The following TBXAS1 variants were observed in gnomAD, a reference collection of about 807,000 sequenced individuals.
TBXAS1 encodes thromboxane-A synthase.
TBXAS1 carries 48 observed loss-of-function variants against 60.7 expected under a neutral mutation model. That is an observed-to-expected ratio of 0.79 (90% CI 0.63 to 1.01). The LOEUF (loss-of-function observed/expected upper bound fraction) is 1.01, where lower values mean the gene tolerates loss of function less well. Ranked by LOEUF, TBXAS1 falls within the 50% of genes least tolerant of loss-of-function variation. The pLI, the probability that TBXAS1 is intolerant of heterozygous loss-of-function variation, is 0.00. For missense variants in TBXAS1, 685 were observed against 686.3 expected (o/e 1.00, Z 0.02); for synonymous variants, 287 against 269.7 (o/e 1.06, Z -0.63).
intron 9 of TBXAS1, among the ~76,000 whole-genome samples, chr7:139,979,496 G>T (rs895540343): frequency 3.3e-5 from 5 of 152,032 alleles, no homozygotes; most frequent in African/African-American, 7.2e-5. Flanking sequence ...GGAGGCGGAG[G>T]TGGGTGGATC....
In TBXAS1 at chr7:139,895,575, T is replaced by C. The variant is rs114173869; in HGVS notation, c.237-15650T>C. On this transcript the variant is annotated intron_variant, in intron 3 of 12. Transcript: ENST00000448866. ...TGACATGGATCTCAGCAGCTGAGGC[T>C]GGCCCTGAAGGAGCTAACAGCTGGA... Among the ~76,000 whole-genome samples the C allele has an allele frequency of 4.9e-3, 743 of 152,354 alleles. 6 individuals are homozygous for C. The highest frequency in any genetic ancestry group is 0.017 in the African/African-American group (711 of 41,584).
At chr7:139,824,226 G>T (rs560131599) in intron 4 of TBXAS1, among the ~76,000 whole-genome samples, 1 of 152,324 alleles carries the variant, frequency 6.6e-6, no homozygotes, top group Admixed American at 6.5e-5. Flanking sequence ...AAAAAGACTT[G>T]GAGTGAGTGG....
chr7:139,994,630 C>G (rs1309344268), intron 9 of TBXAS1, among the ~76,000 whole-genome samples: 2 of 152,068 alleles, frequency 1.3e-5, no homozygotes, highest in Non-Finnish European at 2.9e-5. Context: ...AAAAAAAACT[C>G]CTGCTGCAAT....
rs1252312592 is a variant in TBXAS1 at position 139,905,019 on chromosome 7, C to T, written c.237-6206C>T. On this transcript the variant is annotated intron_variant, in intron 3 of 12. Coordinates refer to ENST00000448866, the MANE Select transcript of TBXAS1 (RefSeq NM_001061.7). ...TCTCTCTTTCTCTCTTTCTTTCTTTCTTTCTTTCTTTCTTTCTTTCTTTCT... is the reference window on the plus strand; with the variant it reads ...TCTCTCTTTCTCTCTTTCTTTCTTTTTTTCTTTCTTTCTTTCTTTCTTTCT... 1.8e-3 allele frequency among the ~76,000 whole-genome samples: 132 copies of T among 75,206 alleles called. 1 individual carries two copies. Among genetic ancestry groups the T allele is most frequent in the African/African-American group, 9.3e-3 (125 of 13,474 alleles). The allele number at this position is 75,206 out of a possible 152,430, so 49.3% of individuals were successfully genotyped here. A position where few individuals can be genotyped will look rare whatever the true frequency, so the allele number is the denominator to read the frequency against.
intron 7 of TBXAS1, among the ~76,000 whole-genome samples, chr7:139,956,262 T>C (rs1809859545): frequency 6.6e-6 from 1 of 152,228 alleles, no homozygotes; most frequent in African/African-American, 2.4e-5. Flanking sequence ...TTCTCCTGCC[T>C]CAGCCTCCTG....
chr7:139,875,756 T>A, intron 3 of TBXAS1, 119 bp downstream of exon 3: 1 of 1,315,274 alleles, frequency 7.6e-7, no homozygotes, highest in South Asian at 1.2e-5. Context: ...GTTGTATGTG[T>A]TTCTATTTTT....
At chr7:139,787,908 C>T (rs1797249011) in intron 4 of TBXAS1, among the ~76,000 whole-genome samples, 1 of 152,162 alleles carries the variant, frequency 6.6e-6, no homozygotes, top group Admixed American at 6.5e-5. Flanking sequence ...TATTGAGATA[C>T]AGTTACTAAA....
intron 3 of TBXAS1, among the ~76,000 whole-genome samples, chr7:139,878,541 A>G (rs76857859): frequency 0.015 from 2,325 of 152,270 alleles, 33 homozygotes; most frequent in African/African-American, 0.033. Flanking sequence ...TAAAACACTG[A>G]CTTCTTTTTA....
intron 9 of TBXAS1, among the ~76,000 whole-genome samples, chr7:139,987,106 C>T (rs879266594): frequency 1.1e-4 from 17 of 152,084 alleles, no homozygotes; most frequent in South Asian, 2.1e-4. Context: ...CAGAGTTTCT[C>T]GTGCTTGGCT....
chr7:139,906,757 A>C lies in TBXAS1; in HGVS notation c.237-4468A>C, dbSNP rs891632070. On this transcript the variant is annotated intron_variant, in intron 3 of 12. Transcript: ENST00000448866. ...TGGAGTCTTCCAATCCATGAACATG[A>C]TATGTTTCTCCACTTAGTTCTTCTT... Among the ~76,000 whole-genome samples, 5 of 84,960 alleles carry C rather than the reference A, an allele frequency of 5.9e-5. No individual in the cohort carries two copies. The Admixed American group carries it at 6.4e-4, about 11-fold the overall frequency. 55.7% of individuals were successfully genotyped at this position (84,960 alleles called of 152,430 possible).
intron 4 of TBXAS1, among the ~76,000 whole-genome samples, chr7:139,917,834 T>G (rs1479154938): frequency 1.3e-5 from 2 of 152,226 alleles, no homozygotes; most frequent in Non-Finnish European, 2.9e-5. Flanking sequence ...GCTATCTTTA[T>G]ATATTTTTTT....
At chr7:139,993,322 G>A (rs775638851) in intron 9 of TBXAS1, among the ~76,000 whole-genome samples, 5 of 152,138 alleles carry the variant, frequency 3.3e-5, no homozygotes, top group African/African-American at 4.8e-5. Context: ...ATAAACCTGG[G>A]GAGGCCGGAC....
chr7:139,858,131 T>C (rs1236858888), intron 1 of TBXAS1, among the ~76,000 whole-genome samples: 1 of 152,184 alleles, frequency 6.6e-6, no homozygotes, highest in African/African-American at 2.4e-5. Context: ...GCAGTGCTTC[T>C]TCGTACACAT....
At chr7:140,000,565 A>G (rs1813598128) in intron 9 of TBXAS1, among the ~76,000 whole-genome samples, 1 of 152,230 alleles carries the variant, frequency 6.6e-6, no homozygotes, top group Admixed American at 6.5e-5. Context: ...GAGACCAAGA[A>G]TCTTAGGAAT....
chr7:139,862,242 A>G (rs1569503243), intron 1 of TBXAS1, among the ~76,000 whole-genome samples: 2 of 152,196 alleles, frequency 1.3e-5, no homozygotes, highest in African/African-American at 2.4e-5. Context: ...TTTAGATGGT[A>G]TTGAAGTGAT....
rs1249907257 is a variant in TBXAS1 at position 139,915,616 on chromosome 7, T to A, written c.333+4295T>A. Among the ~76,000 whole-genome samples the A allele has an allele frequency of 5.9e-5, 9 of 152,216 alleles. No individual in the cohort carries two copies. In the East Asian group the frequency reaches 1.7e-3, roughly 29 times the overall value. ...ACAGCCTGGTGGAGAAGGGCCCTGA[T>A]TTGGGAAGCTGGATTTAGCTCTGAA... is the stretch of plus-strand genomic sequence containing the variant. On this transcript the variant is annotated intron_variant, in intron 4 of 12. Transcript: ENST00000448866.
rs1443564126 is a variant in TBXAS1, at chr7:139,894,152, G to A, written c.237-17073G>A. ...CCTGCCTCTCCAGGCTGCCAAGCCTGGGGGCTTTCCTTAGCAGCAGGAGGC... is the reference window on the plus strand; with the variant it reads ...CCTGCCTCTCCAGGCTGCCAAGCCTAGGGGCTTTCCTTAGCAGCAGGAGGC... On this transcript the variant is annotated intron_variant, in intron 3 of 12. Transcript: ENST00000448866. Among the ~76,000 whole-genome samples, 10 of 152,328 alleles carry A rather than the reference G, an allele frequency of 6.6e-5. No individual in the cohort carries two copies. In the East Asian group the frequency reaches 1.9e-3, roughly 29 times the overall value.
chr7:139,947,618 G>A (rs931405080), intron 5 of TBXAS1, among the ~76,000 whole-genome samples: 4 of 152,300 alleles, frequency 2.6e-5, no homozygotes, highest in African/African-American at 9.6e-5. Flanking sequence ...AGGTTATGCA[G>A]AACCTTCCTT....
chr7:139,823,449 G>A (rs1184034122), intron 4 of TBXAS1, among the ~76,000 whole-genome samples: 1 of 152,038 alleles, frequency 6.6e-6, no homozygotes, highest in African/African-American at 2.4e-5. Context: ...GTCCCTAAAA[G>A]GATCATATTG....
Sources: gnomAD v4.1 joint callset for allele counts (sites outside exome capture counted in the v4.1 genomes callset) on GRCh38, gnomAD v4.1.1 for gene constraint, MANE v1.5 for transcripts, NCBI Gene and HGNC (gene_info 2026-07-23, HGNC 2026-07-21) for gene names.